The following WDR73 variants were observed in gnomAD, a reference collection of about 807,000 sequenced individuals.
WDR73 encodes integrator complex assembly factor WDR73.
WDR73 carries 30 observed loss-of-function variants against 38.2 expected under a neutral mutation model. The observed-to-expected ratio is 0.79, with a 90% CI of 0.59 to 1.06. The LOEUF (loss-of-function observed/expected upper bound fraction) is 1.06, where lower values mean the gene tolerates loss of function less well. WDR73 is among the 50% of genes least tolerant of loss of function. The pLI, the probability that WDR73 is intolerant of heterozygous loss-of-function variation, is 0.00. For synonymous variants in WDR73, 197 were observed against 176.0 expected, an observed-to-expected ratio of 1.12 and a Z score of -0.94; for missense variants, 487 against 467.0, an observed-to-expected ratio of 1.04 and a Z score of -0.40.
chr15:84,645,169 C>T (rs1896407026), intron 7 of WDR73: 1 of 1,233,844 alleles, frequency 8.1e-7, no homozygotes, highest in Admixed American at 3.4e-5. Flanking sequence ...CCACTGTCCC[C>T]TTTTCTTTCT....
In WDR73 at chr15:84,646,223, C is replaced by G. The variant is rs199876799; in HGVS notation, c.478G>C (p.Val160Leu). 8 of 1,613,736 alleles carry G rather than the reference C, an allele frequency of 5.0e-6. No homozygotes were observed. The highest frequency in any genetic ancestry group is 6.8e-6 in the Non-Finnish European group (8 of 1,179,900). The change falls in exon 6 of 8, where the codon GTC becomes CTC. Residue 160 changes from valine to leucine, a missense_variant. Transcript: ENST00000434634. ...LHGARLRSLQ[V>L]VDLESRKTTY... ...GTCTTCCGGGACTCCAGATCAACGA[C>G]CTGCAGACTTCGGAGCCTCGCCCCA...
intron 4 of WDR73, 70 bp from the exon 5 acceptor site, chr15:84,648,024 G>T: frequency 1.4e-6 from 2 of 1,403,852 alleles, no homozygotes; most frequent in Non-Finnish European, 2.0e-6. Context: ...CCCCTTTCCA[G>T]CACACTTAGC....
chr15:84,642,691 C>G lies in WDR73; in HGVS notation c.*779G>C, dbSNP rs1426641715. On this transcript the variant is annotated 3_prime_UTR_variant, in exon 8 of 8. Transcript: ENST00000434634. ...TGTTGCTCAGGCTAGTCTCGAACTC[C>G]TGGACTCAAGTGATCCACCTGTCTT... is the stretch of plus-strand genomic sequence containing the variant. The G allele has an allele frequency of 2.0e-5, 3 of 152,192 alleles. No individual in the cohort carries two copies. The highest frequency in any genetic ancestry group is 2.1e-4 in the South Asian group (1 of 4,828). 9.4% of individuals were successfully genotyped at this position (152,192 alleles called of 1,614,324 possible).
intron 3 of WDR73, 128 bp downstream of exon 3, chr15:84,652,585 TA>T: frequency 1.9e-6 from 1 of 537,584 alleles, no homozygotes. Context: ...TCTGTTAGAC[TA>T]GAAGGGCAGG....
intron 7 of WDR73, 181 bp from the exon 8 acceptor site, chr15:84,643,904 C>T: frequency 1.5e-6 from 1 of 658,010 alleles, no homozygotes; most frequent in Non-Finnish European, 2.4e-6. Flanking sequence ...GGCACCCAGC[C>T]CCTAAAATAC....
intron 1 of WDR73, 55 bp downstream of exon 1, chr15:84,654,179 G>C: frequency 6.2e-7 from 1 of 1,612,076 alleles, no homozygotes; most frequent in South Asian, 1.1e-5. Context: ...ACACCCATCC[G>C]CCCGCCAGGC....
At position 84,648,568 on chromosome 15, in the gene WDR73, T is replaced by C. The variant is rs1381609011; in HGVS notation, c.256A>G (p.Ile86Val). Residue 86 changes from isoleucine (I) to valine (V), a missense_variant, in exon 4 of 8, where the codon ATC becomes GTC. Transcript: ENST00000434634. ...VRHGGFSDRS[I>V]FDLKHVPHTR... ...TGTGGCACATGCTTTAGATCAAAGA[T>C]AGACCTGTCTGAAAATCCTCCATGG... 4 of 1,613,942 alleles carry C rather than the reference T, an allele frequency of 2.5e-6. No individual in the cohort carries two copies. Among genetic ancestry groups the C allele is most frequent in the East Asian group, 2.2e-5 (1 of 44,886 alleles).
At position 84,651,268 on chromosome 15, in the gene WDR73, A is replaced by AT. The variant is rs1470952435; in HGVS notation, c.198+1445dup. 3.3e-5 allele frequency among the ~76,000 whole-genome samples: 5 copies of AT among 151,984 alleles called. No homozygotes were observed. The South Asian group carries it at 8.3e-4, about 25-fold the overall frequency. ...AGTGAAACCTCATCTCTACAAAAAAATTTAACAATTAGCCAAGCATGGTGG... is the reference window on the plus strand; with the variant it reads ...AGTGAAACCTCATCTCTACAAAAAAATTTTAACAATTAGCCAAGCATGGTGG... On this transcript the variant is annotated intron_variant, in intron 3 of 7. Transcript: ENST00000434634.
rs748217615 is a variant in WDR73, at chr15:84,654,218, G to GCC, written c.41+14_41+15dup. The GCC allele has an allele frequency of 1.2e-6, 2 of 1,613,270 alleles. No individual in the cohort carries two copies. The highest frequency in any genetic ancestry group is 8.5e-7 in the Non-Finnish European group (1 of 1,179,318). On this transcript the variant is annotated intron_variant, in intron 1 of 7. Coordinates refer to ENST00000434634, the MANE Select transcript of WDR73 (RefSeq NM_032856.5). ...CTCCAGGCCCAGCTCCCATGTCCCA[G>GCC]CCCCGTACGATTTACAAGCGCAAGG...
rs1896253060 is a variant in WDR73, at chr15:84,641,403, A to G, written c.*2067T>C. 1 of 152,260 alleles carries G rather than the reference A, an allele frequency of 6.6e-6. No homozygotes were observed. The highest frequency in any genetic ancestry group is 2.4e-5 in the African/African-American group (1 of 41,474). 9.4% of individuals were successfully genotyped at this position (152,260 alleles called of 1,614,324 possible). A position where few individuals can be genotyped will look rare whatever the true frequency, so the allele number is the denominator to read the frequency against. ...TTTACTATTCTGTGGTGTGGAAAGC[A>G]CAGGACTTGAGAAGCAGGTGGCACC... On this transcript the variant is annotated 3_prime_UTR_variant, in exon 8 of 8. Transcript: ENST00000434634.
At chr15:84,654,112 A>T (rs1896713955) in intron 1 of WDR73, 122 bp downstream of exon 1, 11 of 1,332,722 alleles carry the variant, frequency 8.3e-6, no homozygotes, top group Admixed American at 1.8e-5. Context: ...CACGGTGGCG[A>T]GCCCCGAGGC....
chr15:84,645,300 G>T, intron 7 of WDR73, 171 bp downstream of exon 7: 1 of 1,509,268 alleles, frequency 6.6e-7, no homozygotes, highest in Non-Finnish European at 8.9e-7. Context: ...TTAGTAGCCA[G>T]GGTAGGAAAA....
chr15:84,649,815 G>C (rs970343168), intron 3 of WDR73, among the ~76,000 whole-genome samples: 1 of 152,074 alleles, frequency 6.6e-6, no homozygotes, highest in African/African-American at 2.4e-5. Flanking sequence ...TTGCCATGTT[G>C]TCCAGGCTGG....
intron 5 of WDR73, 83 bp from the exon 6 acceptor site, chr15:84,646,431 C>T: frequency 2.6e-6 from 4 of 1,514,478 alleles, no homozygotes; most frequent in Middle Eastern, 1.8e-4. Flanking sequence ...TTCCCCTGTA[C>T]ATTTAGAAGA....
chr15:84,643,844 T>C, intron 7 of WDR73, 121 bp from the exon 8 acceptor site: 1 of 1,203,942 alleles, frequency 8.3e-7, no homozygotes, highest in Non-Finnish European at 1.1e-6. Flanking sequence ...CTTGAACTCC[T>C]AGCCTCAAGC....
chr15:84,648,175 C>A, intron 4 of WDR73: 2 of 608,112 alleles, frequency 3.3e-6, no homozygotes, highest in Non-Finnish European at 5.9e-6. Flanking sequence ...TGGTCACCTA[C>A]AGAGGACACA....
rs772299478 is a variant in WDR73, at chr15:84,648,557, T to C, written c.267A>G (p.Leu89=). The change falls in exon 4 of 8, where the codon CTA becomes CTG. Residue 89 remains leucine, a synonymous_variant. Coordinates refer to ENST00000434634, the MANE Select transcript of WDR73 (RefSeq NM_032856.5). Reference sequence around the variant, plus strand: ...CATACCTGGTATGTGGCACATGCTTTAGATCAAAGATAGACCTGTCTGAAA... The same window carrying C: ...CATACCTGGTATGTGGCACATGCTTCAGATCAAAGATAGACCTGTCTGAAA... The part of the protein sequence containing the change: ...GGFSDRSIFD[L]KHVPHTRLLV... 234 of 1,613,708 alleles carry C rather than the reference T, an allele frequency of 1.5e-4. 1 individual carries two copies. The highest frequency in any genetic ancestry group is 1.9e-4 in the Non-Finnish European group (229 of 1,179,738).
At chr15:84,645,205 G>A (rs971977477) in intron 7 of WDR73, 2 of 1,345,366 alleles carry the variant, frequency 1.5e-6, no homozygotes, top group African/African-American at 1.5e-5. Flanking sequence ...CTGTCCCAGT[G>A]TCTTACTGTC....
intron 5 of WDR73, 132 bp downstream of exon 5, chr15:84,647,758 A>C: frequency 1.2e-6 from 1 of 863,310 alleles, no homozygotes. Flanking sequence ...CAGCCTCCCA[A>C]AGTGCTACAA....
Sources: gnomAD v4.1 joint callset for allele counts (sites outside exome capture counted in the v4.1 genomes callset) on GRCh38, gnomAD v4.1.1 for gene constraint, MANE v1.5 for transcripts, NCBI Gene and HGNC (gene_info 2026-07-23, HGNC 2026-07-21) for gene names.